Variants in RIC1 observed in about 807,000 individuals in gnomAD.
RIC1 encodes the protein guanine nucleotide exchange factor subunit RIC1.
A neutral mutation model predicts 169.0 loss-of-function variants in RIC1; 88 were observed. The ratio of observed to expected loss-of-function variants is 0.52; its 90% CI spans 0.44 to 0.62. RIC1 has a LOEUF of 0.62. Ranked by LOEUF, RIC1 falls within the 20% of genes least tolerant of loss-of-function variation. The pLI is 0.00. For missense variants in RIC1, 1,877 were observed against 1,725.5 expected (o/e 1.09, Z -1.56); for synonymous variants, 790 against 601.5 (o/e 1.31, Z -4.59).
chr9:5,707,307 G>T (rs1250156819), intron 3 of RIC1, among the ~76,000 whole-genome samples: 1 of 151,988 alleles, frequency 6.6e-6, no homozygotes, highest in Admixed American at 6.6e-5. Context: ...TATCCATTCT[G>T]TCTTGGAGAA....
intron 1 of RIC1, among the ~76,000 whole-genome samples, chr9:5,638,382 C>T (rs1215519844): frequency 1.3e-5 from 2 of 152,174 alleles, no homozygotes; most frequent in East Asian, 1.9e-4. Context: ...GAAGTACTCC[C>T]TCCTCCTGTA....
chr9:5,722,958 T>C (rs563398208), intron 6 of RIC1, among the ~76,000 whole-genome samples: 2 of 152,332 alleles, frequency 1.3e-5, no homozygotes, highest in East Asian at 1.9e-4. Flanking sequence ...AGTCTGTCAT[T>C]GATGGACACT....
chr9:5,676,419 TGTA>T lies in RIC1; in HGVS notation c.253-13537_253-13535del, dbSNP rs568842854. Among the ~76,000 whole-genome samples, 83 of 152,352 alleles carry T rather than the reference TGTA, an allele frequency of 5.4e-4. 1 individual carries two copies. The highest frequency in any genetic ancestry group is 1.9e-3 in the African/African-American group (80 of 41,582). ...GAGGTGTCTATGTTCTAGGCACTGTTGTAGTGCTTTATGTGTATTAAAATTAAT... is the reference window on the plus strand; with the variant it reads ...GAGGTGTCTATGTTCTAGGCACTGTTGTGCTTTATGTGTATTAAAATTAAT... On this transcript the variant is annotated intron_variant, in intron 2 of 25. Transcript: ENST00000414202.
intron 2 of RIC1, among the ~76,000 whole-genome samples, chr9:5,689,550 G>A (rs1821472575): frequency 6.6e-6 from 1 of 152,174 alleles, no homozygotes; most frequent in African/African-American, 2.4e-5. Flanking sequence ...TTTGAGTAGA[G>A]TAAGCGTTTT....
chr9:5,701,032 T>C (rs1412948400), intron 3 of RIC1, among the ~76,000 whole-genome samples: 1 of 152,204 alleles, frequency 6.6e-6, no homozygotes, highest in African/African-American at 2.4e-5. Flanking sequence ...TTAATTTCCC[T>C]TCATGTTTCT....
intron 1 of RIC1, among the ~76,000 whole-genome samples, chr9:5,642,259 G>A (rs1473862513): frequency 6.9e-6 from 1 of 144,772 alleles, no homozygotes; most frequent in Non-Finnish European, 1.5e-5. Context: ...TCTGTGCTGA[G>A]TCTCCTGGAA....
At chr9:5,758,206 C>G (rs993791021) in intron 17 of RIC1, among the ~76,000 whole-genome samples, 1 of 152,060 alleles carries the variant, frequency 6.6e-6, no homozygotes, top group Non-Finnish European at 1.5e-5. Context: ...AGTATAATCC[C>G]GTAGTTTCTG....
In RIC1 at chr9:5,768,961, C is replaced by T. The variant is rs777423382; in HGVS notation, c.3138-9C>T. 5.7e-6 allele frequency: 9 copies of T among 1,592,452 alleles called. No individual in the cohort carries two copies. The South Asian group carries it at 1.0e-4, about 18-fold the overall frequency. On this transcript the variant is annotated splice_polypyrimidine_tract_variant and intron_variant, in intron 21 of 25. Coordinates refer to ENST00000414202, the MANE Select transcript of RIC1 (RefSeq NM_020829.4). The stretch of plus-strand genomic sequence containing the variant: ...TTATTCTGTAGCTTTCTTGTGTTTC[C>T]ACTTACAGATGGAGCAAAGACAGTG...
chr9:5,688,532 A>G (rs983808094), intron 2 of RIC1, among the ~76,000 whole-genome samples: 8 of 152,132 alleles, frequency 5.3e-5, no homozygotes, highest in African/African-American at 1.9e-4. Flanking sequence ...CATACTCTCC[A>G]TATTGCAAGA....
chr9:5,664,731 A>C (rs1819652130), intron 2 of RIC1, among the ~76,000 whole-genome samples: 1 of 152,096 alleles, frequency 6.6e-6, no homozygotes, highest in Non-Finnish European at 1.5e-5. Flanking sequence ...CATTCTCCCC[A>C]TCTCTTTCAG....
rs116421000 is a variant in RIC1 at position 5,665,371 on chromosome 9, T to C, written c.252+8681T>C. Among the ~76,000 whole-genome samples the C allele has an allele frequency of 8.6e-3, 1,304 of 152,290 alleles. 17 individuals carry two copies. Among genetic ancestry groups the C allele is most frequent in the African/African-American group, 0.03 (1,253 of 41,558 alleles). The stretch of plus-strand genomic sequence containing the variant: ...GTTTTGTCATGTTTCTTACTTTGCA[T>C]TGGGTTAAAACTTGCTCCTTTAGCT... On this transcript the variant is annotated intron_variant, in intron 2 of 25. Coordinates refer to ENST00000414202, the MANE Select transcript of RIC1 (RefSeq NM_020829.4).
At chr9:5,652,589 C>T (rs1026507043) in intron 1 of RIC1, among the ~76,000 whole-genome samples, 10 of 151,914 alleles carry the variant, frequency 6.6e-5, no homozygotes, top group Non-Finnish European at 1.3e-4. Context: ...TTTGTTCTAC[C>T]ACTTTTTTGG....
chr9:5,697,268 C>T (rs1052850180), intron 3 of RIC1, among the ~76,000 whole-genome samples: 4 of 152,338 alleles, frequency 2.6e-5, no homozygotes, highest in East Asian at 3.9e-4. Context: ...TGGTTTCTCT[C>T]ACTCTACATG....
intron 2 of RIC1, among the ~76,000 whole-genome samples, chr9:5,675,208 C>T (rs900936573): frequency 7.9e-5 from 12 of 151,228 alleles, no homozygotes; most frequent in Non-Finnish European, 1.5e-4. Context: ...AGTGACTGGG[C>T]GAGTGGTTTG....
chr9:5,687,586 G>A (rs189990359), intron 2 of RIC1, among the ~76,000 whole-genome samples: 1 of 152,124 alleles, frequency 6.6e-6, no homozygotes, highest in East Asian at 1.9e-4. Context: ...GGGTTATTTA[G>A]AAGTATGCAG....
At chr9:5,634,397 G>T (rs567424360) in intron 1 of RIC1, among the ~76,000 whole-genome samples, 8 of 152,146 alleles carry the variant, frequency 5.3e-5, no homozygotes, top group Non-Finnish European at 8.8e-5. Flanking sequence ...ACCTTGTTAT[G>T]ATTTAACTTC....
At chr9:5,639,234 T>C (rs1013925966) in intron 1 of RIC1, among the ~76,000 whole-genome samples, 5 of 152,220 alleles carry the variant, frequency 3.3e-5, no homozygotes, top group African/African-American at 4.8e-5. Context: ...GTAATACTTA[T>C]AGCTATAAAT....
At chr9:5,747,177 C>A in intron 11 of RIC1, 125 bp from the exon 12 acceptor site, 1 of 683,512 alleles carries the variant, frequency 1.5e-6, no homozygotes, top group Non-Finnish European at 2.5e-6. Flanking sequence ...AGAAAATCAA[C>A]ATCGAGATAC....
intron 3 of RIC1, among the ~76,000 whole-genome samples, chr9:5,695,620 T>C (rs2130742164): frequency 6.7e-6 from 1 of 149,922 alleles, no homozygotes; most frequent in South Asian, 2.1e-4. Context: ...TCGCCTGTGC[T>C]GGAGTGCAGT....
Sources: allele counts gnomAD v4.1 joint callset (sites outside exome capture counted in the v4.1 genomes callset), GRCh38; gene constraint gnomAD v4.1.1; transcripts MANE v1.5; gene names NCBI Gene and HGNC (gene_info 2026-07-23, HGNC 2026-07-21).